DNAH14: variants seen among roughly 807,000 people sequenced by gnomAD.
The protein encoded by DNAH14 is dynein axonemal heavy chain 14.
DNAH14 carries 478 observed loss-of-function variants against 520.9 expected under a neutral mutation model. The ratio of observed to expected loss-of-function variants is 0.92; its 90% confidence interval spans 0.85 to 0.99. The LOEUF is 0.99. Ranked by LOEUF, DNAH14 falls within the 50% of genes least tolerant of loss-of-function variation. The pLI is 0.00. For synonymous variants in DNAH14, 1,581 were observed against 1,757.2 expected, an observed-to-expected ratio of 0.90 and a Z score of 2.51; for missense variants, 4,831 against 5,234.5, an observed-to-expected ratio of 0.92 and a Z score of 2.38.
intron 60 of DNAH14, among the ~76,000 whole-genome samples, chr1:225,309,908 G>A (rs1321338693): frequency 6.6e-6 from 1 of 151,930 alleles, no homozygotes; most frequent in Non-Finnish European, 1.5e-5. Context: ...GATAGCATTA[G>A]GAGATATACC....
intron 23 of DNAH14, among the ~76,000 whole-genome samples, chr1:225,114,342 G>A (rs1487546187): frequency 6.6e-6 from 1 of 152,072 alleles, no homozygotes; most frequent in Non-Finnish European, 1.5e-5. Context: ...TCCTACTATG[G>A]CTGAGCCAGT....
rs2065076025 is a variant in DNAH14, at chr1:225,014,762, G to T, written c.1107+7218G>T. 2.6e-5 allele frequency among the ~76,000 whole-genome samples: 4 copies of T among 152,282 alleles called. No homozygotes were observed. The South Asian group carries it at 8.3e-4, about 32-fold the overall frequency. ...TTCCATGTGCTGATGAAAATAATGTGTATTCTGCAGCTGTTGGGCAAAATG... is the reference window on the plus strand; with the variant it reads ...TTCCATGTGCTGATGAAAATAATGTTTATTCTGCAGCTGTTGGGCAAAATG... On this transcript the variant is annotated intron_variant, in intron 10 of 85. Transcript: ENST00000682510.
intron 8 of DNAH14, among the ~76,000 whole-genome samples, chr1:224,994,882 C>T (rs986772222): frequency 6.6e-6 from 1 of 151,952 alleles, no homozygotes; most frequent in African/African-American, 2.4e-5. Context: ...ACATCTTATG[C>T]CTGTAACAGA....
In DNAH14 at chr1:225,335,748, C is replaced by CATCTAT. The variant is rs1491161447; in HGVS notation, c.10081-1518_10081-1517insATCTAT. ...ATACATATGTGCATATATGTATATA[C>CATCTAT]GCATATATACATACATGTGCATATG... On this transcript the variant is annotated intron_variant, in intron 66 of 85. Transcript: ENST00000682510. Among the ~76,000 whole-genome samples, 5 of 64,508 alleles carry CATCTAT rather than the reference C, an allele frequency of 7.8e-5. 1 individual carries two copies. The highest frequency in any genetic ancestry group is 1.4e-4 in the Non-Finnish European group (5 of 34,610). The allele number at this position is 64,508 out of a possible 152,430, so 42.3% of individuals were successfully genotyped here.
intron 81 of DNAH14, among the ~76,000 whole-genome samples, chr1:225,382,709 G>A (rs2150763184): frequency 6.6e-6 from 1 of 150,626 alleles, no homozygotes; most frequent in Admixed American, 6.6e-5. Flanking sequence ...GGGACACTCT[G>A]TCTCAAAAAA....
At position 225,273,054 on chromosome 1, in the gene DNAH14, C is replaced by A; in HGVS notation, c.7939C>A (p.Arg2647Ser). 1.9e-6 allele frequency: 3 copies of A among 1,551,616 alleles called. No homozygotes were observed. Among genetic ancestry groups the A allele is most frequent in the Admixed American group, 2.0e-5 (1 of 51,002 alleles). Residue 2647 changes from arginine to serine, a missense_variant, in exon 52 of 86, where the codon CGC becomes AGC. Physicochemically the swap from Arg to Ser is moderately radical, Grantham distance 110. Transcript: ENST00000682510. ...TGAAGCCACCCGAGTATTTCACGAT[C>A]GCTTAATTGATTTCACTGATAAAAG... The part of the protein sequence containing the change: ...VHEATRVFHD[R>S]LIDFTDKSLF...
chr1:224,965,653 G>A (rs2061120928), intron 5 of DNAH14, among the ~76,000 whole-genome samples: 1 of 152,038 alleles, frequency 6.6e-6, no homozygotes, highest in Non-Finnish European at 1.5e-5. Flanking sequence ...ATGAAGGAAA[G>A]TACATGTATA....
chr1:225,088,201 A>G (rs1420382348), intron 21 of DNAH14, among the ~76,000 whole-genome samples: 1 of 152,242 alleles, frequency 6.6e-6, no homozygotes, highest in Non-Finnish European at 1.5e-5. Flanking sequence ...AATAGAACTC[A>G]TGATGAAAAC....
chr1:224,954,844 C>A, intron 2 of DNAH14, 115 bp from the exon 3 acceptor site: 1 of 721,288 alleles, frequency 1.4e-6, no homozygotes, highest in East Asian at 2.7e-5. Context: ...ATTTATTAAA[C>A]CTAAGAAGCT....
intron 54 of DNAH14, among the ~76,000 whole-genome samples, chr1:225,280,931 G>T (rs1244034813): frequency 6.6e-6 from 1 of 152,146 alleles, no homozygotes; most frequent in Non-Finnish European, 1.5e-5. Context: ...CAGATAAACA[G>T]CTCTGATAAT....
chr1:225,322,747 C>A lies in DNAH14; in HGVS notation c.9419C>A (p.Thr3140Lys). Residue 3140 changes from threonine (T) to lysine (K), a missense_variant, in exon 62 of 86, where the codon ACG becomes AAG. Thr to Lys is a moderately conservative substitution (Grantham distance 78, BLOSUM62 -1). Transcript: ENST00000682510. The stretch of plus-strand genomic sequence containing the variant: ...CTGCAAAAGAAACCTAACTGGGCAA[C>A]GGCAAAGTTACTTCTTTCAGAAACT... ...ILLQKKPNWA[T>K]AKLLLSETGF... 2 of 1,551,612 alleles carry A rather than the reference C, an allele frequency of 1.3e-6. No individual in the cohort carries two copies. Among genetic ancestry groups the A allele is most frequent in the Non-Finnish European group, 8.7e-7 (1 of 1,146,920 alleles).
At chr1:225,368,089 G>T (rs1285334923) in intron 77 of DNAH14, 57 bp downstream of exon 77, 2 of 1,398,096 alleles carry the variant, frequency 1.4e-6, no homozygotes, top group South Asian at 2.7e-5. Context: ...TACAAATTGA[G>T]AGCCTACTAT....
chr1:225,258,276 C>T (rs1486586534), intron 45 of DNAH14, among the ~76,000 whole-genome samples, 158 bp downstream of exon 45: 1 of 152,092 alleles, frequency 6.6e-6, no homozygotes. Context: ...TTATGAACAC[C>T]CATTTTTCCA....
chr1:225,180,491 G>A (rs2083854887), intron 36 of DNAH14, among the ~76,000 whole-genome samples: 1 of 152,210 alleles, frequency 6.6e-6, no homozygotes, highest in South Asian at 2.1e-4. Context: ...GAAAGTGAAA[G>A]GGAGCTGCCA....
chr1:225,033,195 GT>G (rs1396695257), intron 11 of DNAH14, among the ~76,000 whole-genome samples: 1 of 152,080 alleles, frequency 6.6e-6, no homozygotes, highest in Non-Finnish European at 1.5e-5. Flanking sequence ...GTCTTCCAGG[GT>G]TTTTATAGTT....
At chr1:224,944,317 C>T (rs1372210932) in intron 1 of DNAH14, among the ~76,000 whole-genome samples, 1 of 151,700 alleles carries the variant, frequency 6.6e-6, no homozygotes, top group East Asian at 1.9e-4. Context: ...AGGATTGCAA[C>T]CCCTTTTTTT....
At chr1:225,017,083 G>A (rs959215743) in intron 10 of DNAH14, among the ~76,000 whole-genome samples, 1 of 151,738 alleles carries the variant, frequency 6.6e-6, no homozygotes, top group African/African-American at 2.4e-5. Flanking sequence ...CAGTATTATT[G>A]TTTTCATTTG....
At chr1:225,182,633 C>T (rs781382746) in intron 36 of DNAH14, among the ~76,000 whole-genome samples, 13 of 152,036 alleles carry the variant, frequency 8.6e-5, no homozygotes, top group Admixed American at 2.0e-4. Context: ...CCAGGCAGCA[C>T]GGAGCCCAGG....
Position 225,333,473 on chromosome 1 carries a change from C to T in DNAH14, c.10047C>T (p.Phe3349=). 2 of 1,551,052 alleles carry T rather than the reference C, an allele frequency of 1.3e-6. No individual in the cohort carries two copies. Among genetic ancestry groups the T allele is most frequent in the Non-Finnish European group, 1.7e-6 (2 of 1,146,672 alleles). The stretch of plus-strand genomic sequence containing the variant: ...ATGGCATTTCTTTGTCTTCCAAATT[C>T]TCTTTAATTAAAGTTATGGCACAAA... ...IENGISLSSK[F]SLIKVMAQKY... is the part of the protein sequence containing the mutation. The change falls in exon 66 of 86, where the codon TTC becomes TTT. Residue 3349 remains phenylalanine (F), a synonymous_variant. Transcript: ENST00000682510.
Sources: allele counts gnomAD v4.1 joint callset (sites outside exome capture counted in the v4.1 genomes callset), GRCh38; gene constraint gnomAD v4.1.1; transcripts MANE v1.5; gene names NCBI Gene and HGNC (gene_info 2026-07-23, HGNC 2026-07-21).